The following ZNF709 variants were observed in gnomAD, a reference collection of about 807,000 sequenced individuals.
The protein encoded by ZNF709 is zinc finger protein 709.
In ZNF709, 15 loss-of-function variants were observed where a neutral mutation model predicts 10.6. That is an observed-to-expected ratio of 1.41 (90% CI 0.95 to 2.18). The LOEUF is 2.18. ZNF709 is among the 30% of genes most tolerant of loss of function. The pLI, the probability that ZNF709 is intolerant of heterozygous loss-of-function variation, is 0.00. For synonymous variants in ZNF709, 194 were observed against 238.8 expected (o/e 0.81, Z 1.73); for missense variants, 589 against 774.0 (o/e 0.76, Z 2.84).
At chr19:12,472,020 T>C (rs1162751740) in intron 1 of ZNF709, among the ~76,000 whole-genome samples, 1 of 152,064 alleles carries the variant, frequency 6.6e-6, no homozygotes, top group African/African-American at 2.4e-5. Context: ...TGAACTAGTA[T>C]GCAGAGTAAA....
chr19:12,478,681 AG>A (rs1323933936), intron 1 of ZNF709, among the ~76,000 whole-genome samples: 1 of 152,252 alleles, frequency 6.6e-6, no homozygotes, highest in Non-Finnish European at 1.5e-5. Context: ...AAAGCAGGGC[AG>A]GCTGCCCAAG....
chr19:12,469,273 T>C (rs536033872), intron 1 of ZNF709, among the ~76,000 whole-genome samples: 1 of 152,212 alleles, frequency 6.6e-6, no homozygotes, highest in African/African-American at 2.4e-5. Flanking sequence ...ACCGAAGTAC[T>C]GCAGACCATT....
At chr19:12,467,521 C>T (rs1345851034) in intron 1 of ZNF709, among the ~76,000 whole-genome samples, 3 of 152,234 alleles carry the variant, frequency 2.0e-5, no homozygotes, top group Non-Finnish European at 4.4e-5. Context: ...CCTGCCTTGG[C>T]CTCCCAAAGT....
intron 1 of ZNF709, among the ~76,000 whole-genome samples, chr19:12,483,794 C>G (rs1220317716): frequency 6.6e-6 from 1 of 152,072 alleles, no homozygotes; most frequent in Non-Finnish European, 1.5e-5. Flanking sequence ...TTTTGAGAAT[C>G]AATTAAGTGA....
At chr19:12,477,810 CTAACA>C (rs1004876111) in intron 1 of ZNF709, among the ~76,000 whole-genome samples, 4 of 151,890 alleles carry the variant, frequency 2.6e-5, no homozygotes, top group African/African-American at 4.8e-5. Context: ...CCTTTCCTTC[CTAACA>C]TGTTTGTTTT....
intron 1 of ZNF709, among the ~76,000 whole-genome samples, chr19:12,468,373 C>T (rs1970602884): frequency 6.6e-6 from 1 of 151,900 alleles, no homozygotes; most frequent in Non-Finnish European, 1.5e-5. Flanking sequence ...GCCTTGGGAT[C>T]CTGTTGATCT....
chr19:12,482,156 AACACACAC>A (rs34621481), intron 1 of ZNF709, among the ~76,000 whole-genome samples: 1 of 128,370 alleles, frequency 7.8e-6, no homozygotes, highest in South Asian at 2.6e-4. Flanking sequence ...CACACACACA[AACACACAC>A]ACACACACAC....
chr19:12,466,879 A>G (rs745608777), intron 1 of ZNF709, 29 bp from the exon 2 acceptor site: 2 of 1,603,756 alleles, frequency 1.2e-6, no homozygotes, highest in Middle Eastern at 1.7e-4. Flanking sequence ...ATAGGGGAGG[A>G]TGGGTGAGAC....
rs920097143 is a variant in ZNF709 at position 12,463,504 on chromosome 19, T to C, written c.*492A>G. On this transcript the variant is annotated 3_prime_UTR_variant, in exon 4 of 4. Coordinates refer to ENST00000397732, the MANE Select transcript of ZNF709 (RefSeq NM_152601.4). ...AAGGTCATATGACCATTGAAGGTTT[T>C]CCCACACTGCCTACATTCGCAGGGT... 5 of 152,422 alleles carry C rather than the reference T, an allele frequency of 3.3e-5. No individual in the cohort carries two copies. Among genetic ancestry groups the C allele is most frequent in the African/African-American group, 1.2e-4 (5 of 41,476 alleles). 9.4% of individuals were successfully genotyped at this position (152,422 alleles called of 1,614,324 possible). A position where few individuals can be genotyped will look rare whatever the true frequency, so the allele number is the denominator to read the frequency against.
At chr19:12,467,993 G>A (rs1414295595) in intron 1 of ZNF709, among the ~76,000 whole-genome samples, 6 of 149,366 alleles carry the variant, frequency 4.0e-5, no homozygotes, top group African/African-American at 7.5e-5. Context: ...GTCAGCCCCC[G>A]CACGGCCAGC....
chr19:12,473,160 C>T (rs1255028848), intron 1 of ZNF709, among the ~76,000 whole-genome samples: 2 of 152,086 alleles, frequency 1.3e-5, no homozygotes, highest in African/African-American at 4.8e-5. Context: ...TGTATTTGTA[C>T]TTAGACACAG....
At chr19:12,467,720 C>G (rs1041386918) in intron 1 of ZNF709, among the ~76,000 whole-genome samples, 31 of 151,740 alleles carry the variant, frequency 2.0e-4, no homozygotes, top group South Asian at 2.1e-4. Context: ...GGCGGCCCAT[C>G]GTCTGAGAGG....
At chr19:12,466,907 T>C in intron 1 of ZNF709, 57 bp from the exon 2 acceptor site, 1 of 1,553,446 alleles carries the variant, frequency 6.4e-7, no homozygotes, top group Non-Finnish European at 8.7e-7. Context: ...ACTGGGGATA[T>C]AAACTCAGTT....
chr19:12,465,963 CAG>C (rs1970567440), intron 3 of ZNF709, among the ~76,000 whole-genome samples: 1 of 140,626 alleles, frequency 7.1e-6, no homozygotes. Context: ...TTTTTTGAGA[CAG>C]AGTCTTACTC....
rs1469791430 is a variant in ZNF709 at position 12,464,304 on chromosome 19, C to A, written c.1618G>T (p.Ala540Ser). ...KPYECKQCGKAFSCSSSIRIH... is the reference protein window; with the variant it reads ...KPYECKQCGKSFSCSSSIRIH... ...CGAATGGAACTGGAACAACTAAACG[C>A]CTTACCACACTGTTTACATTCATAG... The change falls in exon 4 of 4, where the codon GCG becomes TCG. Residue 540 changes from alanine (A) to serine (S), a missense_variant. This residue lies in a region of ZNF709 where 171 missense variants were observed against 277.7 expected (regional missense o/e 0.62). Coordinates refer to ENST00000397732, the MANE Select transcript of ZNF709 (RefSeq NM_152601.4). 5.0e-6 allele frequency: 8 copies of A among 1,606,940 alleles called. No homozygotes were observed. The African/African-American group carries it at 9.4e-5, about 19-fold the overall frequency.
chr19:12,467,100 C>T (rs1406848112), intron 1 of ZNF709, among the ~76,000 whole-genome samples: 1 of 152,198 alleles, frequency 6.6e-6, no homozygotes, highest in Non-Finnish European at 1.5e-5. Flanking sequence ...TACACAGCAT[C>T]TTAGAGAAAT....
At position 12,464,065 on chromosome 19, in the gene ZNF709, T is replaced by C; in HGVS notation, c.1857A>G (p.Gln619=). ...THTGEKPYAC[Q]QCGKAFKCSR... Reference sequence around the variant, plus strand: ...AACACTTGAAGGCTTTACCACATTGTTGACATGCATAGGGTTTCTCTCCAG... The same window carrying C: ...AACACTTGAAGGCTTTACCACATTGCTGACATGCATAGGGTTTCTCTCCAG... The change falls in exon 4 of 4, where the codon CAA becomes CAG. Residue 619 remains glutamine (Q), a synonymous_variant. Coordinates refer to ENST00000397732, the MANE Select transcript of ZNF709 (RefSeq NM_152601.4). The C allele has an allele frequency of 1.3e-6, 2 of 1,546,480 alleles. No individual in the cohort carries two copies.
intron 1 of ZNF709, among the ~76,000 whole-genome samples, chr19:12,471,800 T>C (rs1970636567): frequency 6.6e-6 from 1 of 152,210 alleles, no homozygotes; most frequent in African/African-American, 2.4e-5. Flanking sequence ...CAATAATCAA[T>C]TTAATGTAGA....
intron 1 of ZNF709, among the ~76,000 whole-genome samples, chr19:12,470,378 G>T (rs540584316): frequency 6.6e-6 from 1 of 152,170 alleles, no homozygotes; most frequent in African/African-American, 2.4e-5. Flanking sequence ...AGCTGATCAC[G>T]TAAGTTCTAA....
Sources: gnomAD v4.1 joint callset for allele counts (sites outside exome capture counted in the v4.1 genomes callset) on GRCh38, gnomAD v4.1.1 for gene constraint, gnomAD v4.1.1 regional missense constraint, MANE v1.5 for transcripts, NCBI Gene and HGNC (gene_info 2026-07-23, HGNC 2026-07-21) for gene names.